ST18: variants seen among roughly 807,000 people sequenced by gnomAD.
The protein encoded by ST18 is ST18 C2H2C-type zinc finger transcription factor.
A neutral mutation model predicts 110.0 loss-of-function variants in ST18; 50 were observed. That is an observed-to-expected ratio of 0.45 (90% CI 0.36 to 0.58). The LOEUF (loss-of-function observed/expected upper bound fraction) is 0.58. ST18 is among the 20% of genes least tolerant of loss of function. The pLI is 0.00. For missense variants in ST18, 1,306 were observed against 1,280.1 expected, an observed-to-expected ratio of 1.02 and a Z score of -0.31; for synonymous variants, 461 against 452.4, an observed-to-expected ratio of 1.02 and a Z score of -0.24.
intron 2 of ST18, among the ~76,000 whole-genome samples, chr8:52,289,635 T>C (rs1589648662): frequency 6.6e-6 from 1 of 152,144 alleles, no homozygotes. Context: ...CTCCAGCTAA[T>C]GTCATTCACT....
At chr8:52,274,172 T>C (rs1256296591) in intron 2 of ST18, among the ~76,000 whole-genome samples, 2 of 152,136 alleles carry the variant, frequency 1.3e-5, no homozygotes, top group Non-Finnish European at 1.5e-5. Flanking sequence ...AACTAAAAGA[T>C]GGAAATGTAT....
At chr8:52,404,910 C>T (rs1274635231) in intron 2 of ST18, 1 of 152,164 alleles carries the variant, frequency 6.6e-6, no homozygotes, top group East Asian at 1.9e-4. Context: ...CTTTAAGTTA[C>T]CTTGTCCAGA....
At chr8:52,165,921 A>T (rs1425027482) in intron 11 of ST18, among the ~76,000 whole-genome samples, 1 of 152,218 alleles carries the variant, frequency 6.6e-6, no homozygotes, top group Non-Finnish European at 1.5e-5. Context: ...TACAATGTAG[A>T]AGGTGGCAGC....
intron 2 of ST18, among the ~76,000 whole-genome samples, chr8:52,291,801 G>C (rs2095559928): frequency 6.6e-6 from 1 of 151,882 alleles, no homozygotes; most frequent in Admixed American, 6.6e-5. Context: ...TGGAGACAGG[G>C]TCTCACTTTG....
At chr8:52,301,195 A>G (rs1424020407) in intron 2 of ST18, among the ~76,000 whole-genome samples, 1 of 152,228 alleles carries the variant, frequency 6.6e-6, no homozygotes, top group Non-Finnish European at 1.5e-5. Context: ...TTCAAATCAA[A>G]TAATTCCTAT....
chr8:52,142,949 G>T lies in ST18; in HGVS notation c.2149C>A (p.Leu717Ile). Residue 717 changes from leucine (L) to isoleucine (I), a missense_variant, in exon 17 of 26, where the codon CTC (leucine) becomes ATC (isoleucine). By Grantham distance (5) the Leu-to-Ile change is conservative (BLOSUM62 2). Coordinates refer to ENST00000689386, the MANE Select transcript of ST18 (RefSeq NM_001352837.2). ...SPKPKLHARD[L>I]KKELITCPTP... ...ACTTACGTGATTAGTTCCTTTTTGA[G>T]ATCTCTTGCATGAAGCTTGGGTTTA... is the stretch of plus-strand genomic sequence containing the variant. The T allele has an allele frequency of 6.2e-7, 1 of 1,613,578 alleles. No homozygotes were observed. The highest frequency in any genetic ancestry group is 8.5e-7 in the Non-Finnish European group (1 of 1,179,650).
intron 2 of ST18, among the ~76,000 whole-genome samples, chr8:52,375,392 T>G (rs1831933371): frequency 6.6e-6 from 1 of 152,108 alleles, no homozygotes; most frequent in Non-Finnish European, 1.5e-5. Flanking sequence ...CCAAAAACCT[T>G]GACTTACTGA....
Position 52,366,058 on chromosome 8 carries a change from A to C in ST18, c.-465+43270T>G, listed in dbSNP as rs79130711. 4.1e-3 allele frequency among the ~76,000 whole-genome samples: 631 copies of C among 152,232 alleles called. 5 individuals carry two copies. Among genetic ancestry groups the C allele is most frequent in the African/African-American group, 0.015 (607 of 41,528 alleles). ...TATCATCATTGCTCCCACTTTACAA[A>C]TGAGGTGAATGACACTGGGAGAGGA... On this transcript the variant is annotated intron_variant, in intron 2 of 25. Coordinates refer to ENST00000689386, the MANE Select transcript of ST18 (RefSeq NM_001352837.2).
chr8:52,318,484 G>A (rs974034412), intron 2 of ST18, among the ~76,000 whole-genome samples: 1 of 152,192 alleles, frequency 6.6e-6, no homozygotes, highest in Non-Finnish European at 1.5e-5. Flanking sequence ...GCGGAAGACA[G>A]TGGCAATTCC....
At chr8:52,212,597 C>A (rs1318654434) in intron 7 of ST18, among the ~76,000 whole-genome samples, 1 of 152,140 alleles carries the variant, frequency 6.6e-6, no homozygotes, top group Admixed American at 6.5e-5. Flanking sequence ...ATGTTAATAT[C>A]ACCAACCTTT....
intron 14 of ST18, among the ~76,000 whole-genome samples, chr8:52,160,434 A>G (rs2061137498): frequency 2.0e-5 from 3 of 152,234 alleles, no homozygotes; most frequent in Admixed American, 6.5e-5. Flanking sequence ...GAAAGAATTC[A>G]TCAGCATCAC....
At chr8:52,119,762 G>A (rs763606506) in intron 23 of ST18, among the ~76,000 whole-genome samples, 2 of 152,112 alleles carry the variant, frequency 1.3e-5, no homozygotes, top group African/African-American at 4.8e-5. Context: ...AAAGTAAGCC[G>A]AAAGTTACAT....
At chr8:52,320,034 G>C (rs534186224) in intron 2 of ST18, among the ~76,000 whole-genome samples, 2 of 152,268 alleles carry the variant, frequency 1.3e-5, no homozygotes, top group East Asian at 3.9e-4. Context: ...TCAAGAGGAG[G>C]AGACAGAAAC....
At chr8:52,177,545 G>A (rs1219727261) in intron 9 of ST18, among the ~76,000 whole-genome samples, 1 of 152,102 alleles carries the variant, frequency 6.6e-6, no homozygotes, top group African/African-American at 2.4e-5. Flanking sequence ...GGGGTGGGGG[G>A]TAACTTGTTC....
At chr8:52,403,656 C>T (rs902857862) in intron 2 of ST18, 2 of 152,144 alleles carry the variant, frequency 1.3e-5, no homozygotes, top group Non-Finnish European at 1.5e-5. Context: ...TTCTGCCACT[C>T]CTGCTGTACT....
intron 2 of ST18, among the ~76,000 whole-genome samples, chr8:52,281,751 G>A (rs769753153): frequency 6.6e-6 from 1 of 152,200 alleles, no homozygotes; most frequent in Non-Finnish European, 1.5e-5. Context: ...CAGGAATCTG[G>A]ATGGATTTGG....
intron 15 of ST18, among the ~76,000 whole-genome samples, chr8:52,152,926 G>A (rs2059168975): frequency 6.6e-6 from 1 of 152,248 alleles, no homozygotes; most frequent in East Asian, 1.9e-4. Context: ...GAAAATACTT[G>A]TATCACTGAC....
chr8:52,271,169 T>A (rs944236440), intron 2 of ST18, among the ~76,000 whole-genome samples: 1 of 152,190 alleles, frequency 6.6e-6, no homozygotes, highest in African/African-American at 2.4e-5. Flanking sequence ...AATAGGGTTA[T>A]ACATTTTTAA....
At chr8:52,175,540 C>T (rs1166947797) in intron 9 of ST18, among the ~76,000 whole-genome samples, 1 of 152,080 alleles carries the variant, frequency 6.6e-6, no homozygotes, top group Non-Finnish European at 1.5e-5. Flanking sequence ...CTTGGACAGG[C>T]CCTTGGTTGC....
Sources: allele counts gnomAD v4.1 joint callset (sites outside exome capture counted in the v4.1 genomes callset), GRCh38; gene constraint gnomAD v4.1.1; transcripts MANE v1.5; gene names NCBI Gene and HGNC (gene_info 2026-07-23, HGNC 2026-07-21).